The following CSMD2 variants were observed in gnomAD, a reference collection of about 807,000 sequenced individuals.
The protein encoded by CSMD2 is CUB and Sushi multiple domains 2.
A neutral mutation model predicts 398.5 loss-of-function variants in CSMD2; 130 were observed. The observed-to-expected ratio is 0.33, with a 90% confidence interval of 0.28 to 0.38. The LOEUF is 0.38. Ranked by LOEUF, CSMD2 falls within the 10% of genes least tolerant of loss-of-function variation. CSMD2 has a pLI of 1.00. For synonymous variants in CSMD2, 1,828 were observed against 1,908.5 expected (o/e 0.96, Z 1.10); for missense variants, 3,829 against 4,764.9 (o/e 0.80, Z 5.78).
chr1:33,575,167 G>A (rs767000983), intron 49 of CSMD2, among the ~76,000 whole-genome samples: 1 of 152,228 alleles, frequency 6.6e-6, no homozygotes, highest in Non-Finnish European at 1.5e-5. Context: ...AGTATTTGAG[G>A]CTTGTGGTGG....
intron 5 of CSMD2, among the ~76,000 whole-genome samples, chr1:33,896,095 G>T (rs1256331159): frequency 1.3e-5 from 2 of 152,124 alleles, no homozygotes; most frequent in East Asian, 3.9e-4. Context: ...ATATTAATCA[G>T]GTTAGGAATA....
intron 2 of CSMD2, among the ~76,000 whole-genome samples, chr1:34,063,689 G>A (rs1032549385): frequency 6.6e-6 from 1 of 152,306 alleles, no homozygotes; most frequent in Admixed American, 6.5e-5. Context: ...CACACTGCAA[G>A]CTGTTGGTGG....
chr1:33,847,014 A>G lies in CSMD2; in HGVS notation c.921-18T>C. Reference sequence around the variant, plus strand: ...CGGTGAACCTGTGGGAACAGGAAGCAGATGGGCTCAGGGACCAGAGCTGAG... The same window carrying G: ...CGGTGAACCTGTGGGAACAGGAAGCGGATGGGCTCAGGGACCAGAGCTGAG... On this transcript the variant is annotated intron_variant, in intron 5 of 70. Coordinates refer to ENST00000373381, the MANE Select transcript of CSMD2 (RefSeq NM_001281956.2). 6.4e-7 allele frequency: 1 copy of G among 1,564,110 alleles called. No homozygotes were observed. Among genetic ancestry groups the G allele is most frequent in the Non-Finnish European group, 8.8e-7 (1 of 1,137,296 alleles).
intron 3 of CSMD2, among the ~76,000 whole-genome samples, chr1:33,983,920 A>G (rs1167993523): frequency 6.6e-6 from 1 of 152,144 alleles, no homozygotes; most frequent in Non-Finnish European, 1.5e-5. Context: ...AGGGAGGCCA[A>G]GGCAGGTGGA....
chr1:33,852,079 T>G (rs973090348), intron 5 of CSMD2, among the ~76,000 whole-genome samples: 2 of 151,946 alleles, frequency 1.3e-5, no homozygotes, highest in African/African-American at 4.8e-5. Flanking sequence ...CAGTCGTTTC[T>G]GCTCCTTAGT....
chr1:34,121,772 G>A (rs1289219490), intron 1 of CSMD2, among the ~76,000 whole-genome samples: 1 of 151,996 alleles, frequency 6.6e-6, no homozygotes, highest in African/African-American at 2.4e-5. Context: ...GCACTCCAGG[G>A]GCTCTTCCAA....
intron 25 of CSMD2, among the ~76,000 whole-genome samples, chr1:33,688,107 G>A (rs1645115515): frequency 6.6e-6 from 1 of 152,100 alleles, no homozygotes; most frequent in African/African-American, 2.4e-5. Flanking sequence ...GGAAATAAAT[G>A]GACAACTGTT....
At chr1:33,687,514 C>T (rs890998171) in intron 25 of CSMD2, among the ~76,000 whole-genome samples, 7 of 151,740 alleles carry the variant, frequency 4.6e-5, no homozygotes, top group African/African-American at 1.5e-4. Context: ...ATCACTAGAA[C>T]AAAAAGCCAA....
At chr1:34,124,868 G>A (rs1249082025) in intron 1 of CSMD2, among the ~76,000 whole-genome samples, 4 of 152,206 alleles carry the variant, frequency 2.6e-5, no homozygotes, top group Non-Finnish European at 5.9e-5. Flanking sequence ...TAGGGGCATT[G>A]CAAGCATTTC....
intron 7 of CSMD2, among the ~76,000 whole-genome samples, chr1:33,822,913 C>T (rs3856130): frequency 0.46 from 70,000 of 152,056 alleles, 16,868 homozygotes; most frequent in East Asian, 0.64. Context: ...CTGTGACCCA[C>T]GAGTCATACC....
intron 64 of CSMD2, among the ~76,000 whole-genome samples, chr1:33,531,019 A>C (rs1655185189): frequency 1.3e-5 from 2 of 152,324 alleles, no homozygotes; most frequent in East Asian, 3.9e-4. Context: ...ACAGGGAATA[A>C]GTTCAAGATC....
intron 2 of CSMD2, among the ~76,000 whole-genome samples, chr1:34,068,628 C>T (rs1655382290): frequency 6.6e-6 from 1 of 152,184 alleles, no homozygotes; most frequent in African/African-American, 2.4e-5. Flanking sequence ...CAATCATTAG[C>T]TTCCCATTCC....
chr1:33,969,068 G>A, intron 3 of CSMD2, among the ~76,000 whole-genome samples: 1 of 152,154 alleles, frequency 6.6e-6, no homozygotes, highest in East Asian at 1.9e-4. Context: ...TCACTTAGAG[G>A]TGATCATTGA....
chr1:33,673,128 T>C (rs1295467325), intron 25 of CSMD2, among the ~76,000 whole-genome samples: 8 of 152,044 alleles, frequency 5.3e-5, no homozygotes, highest in African/African-American at 1.7e-4. Context: ...CTTTGACGAG[T>C]TGAGAGAAGA....
rs1053282501 is a variant in CSMD2, at chr1:33,902,256, T to C, written c.920+15838A>G. On this transcript the variant is annotated intron_variant, in intron 5 of 70. Transcript: ENST00000373381. ...GGTGTAACTGAGATGGATCAGAAAC[T>C]GCAGGGCTCCTGGAAACCGCCCCAT... 2.4e-4 allele frequency among the ~76,000 whole-genome samples: 37 copies of C among 152,276 alleles called. 1 individual carries two copies. Among genetic ancestry groups the C allele is most frequent in the Non-Finnish European group, 4.4e-4 (30 of 68,010 alleles).
Position 33,624,949 on chromosome 1 carries a change from G to T in CSMD2, c.5500+102C>A. On this transcript the variant is annotated intron_variant, in intron 34 of 70. Coordinates refer to ENST00000373381, the MANE Select transcript of CSMD2 (RefSeq NM_001281956.2). The surrounding 1 kb of genome is among the most constrained non-coding windows in gnomAD (Gnocchi z 4.7). ...CTCAGCCATGCGGTGGGAAGCGGCTGCTGTGTGTCGTGGGGCATCACTGGG... is the reference window on the plus strand; with the variant it reads ...CTCAGCCATGCGGTGGGAAGCGGCTTCTGTGTGTCGTGGGGCATCACTGGG... 1 of 1,212,132 alleles carries T rather than the reference G, an allele frequency of 8.2e-7. No individual in the cohort carries two copies. The highest frequency in any genetic ancestry group is 1.2e-6 in the Non-Finnish European group (1 of 832,678). 75.1% of individuals were successfully genotyped at this position (1,212,132 alleles called of 1,614,324 possible).
intron 2 of CSMD2, among the ~76,000 whole-genome samples, chr1:34,037,846 C>T (rs1651343326): frequency 6.6e-6 from 1 of 152,148 alleles, no homozygotes. Flanking sequence ...GATTCCTAGA[C>T]CCTAGTTTCT....
At chr1:33,979,307 G>A (rs1236117694) in intron 3 of CSMD2, among the ~76,000 whole-genome samples, 1 of 152,192 alleles carries the variant, frequency 6.6e-6, no homozygotes, top group Non-Finnish European at 1.5e-5. Flanking sequence ...GTGGTTGTCA[G>A]TGCAGAGAGC....
At chr1:33,861,731 T>C (rs995759049) in intron 5 of CSMD2, among the ~76,000 whole-genome samples, 29 of 152,220 alleles carry the variant, frequency 1.9e-4, no homozygotes, top group Non-Finnish European at 1.3e-4. Context: ...AGCAGAGACC[T>C]CAGAGGCTCA....
Sources: gnomAD v4.1 joint callset for allele counts (sites outside exome capture counted in the v4.1 genomes callset) on GRCh38, gnomAD v4.1.1 for gene constraint, Gnocchi (gnomAD v3.1) non-coding constraint, MANE v1.5 for transcripts, NCBI Gene and HGNC (gene_info 2026-07-23, HGNC 2026-07-21) for gene names.